Variants in KIF16B observed in about 807,000 individuals in gnomAD.
KIF16B encodes kinesin family member 16B.
Under a neutral mutation model 156.3 loss-of-function variants are expected in KIF16B, and 98 were observed. The observed-to-expected ratio is 0.63, with a 90% CI of 0.53 to 0.74. KIF16B has a LOEUF of 0.74. Among genes scored for constraint, KIF16B ranks in the 30% least tolerant of loss-of-function variants. The probability of loss-of-function intolerance (pLI) is 0.00; values close to 1 mark genes in which losing one functional copy is unlikely to be tolerated. For missense variants in KIF16B, 1,421 were observed against 1,606.5 expected (o/e 0.88, Z 1.97); for synonymous variants, 564 against 583.7 (o/e 0.97, Z 0.49).
At chr20:16,273,438 A>G (rs1264773062) in intron 25 of KIF16B, 27 bp from the exon 26 acceptor site, 3 of 1,611,704 alleles carry the variant, frequency 1.9e-6, no homozygotes, top group South Asian at 1.1e-5. Context: ...AGTTAAGAAC[A>G]TGGTCAATTG....
intron 1 of KIF16B, among the ~76,000 whole-genome samples, chr20:16,532,945 C>T (rs2069814403): frequency 6.6e-6 from 1 of 152,174 alleles, no homozygotes. Flanking sequence ...GGGCCCTCCA[C>T]ATGATCATGT....
At chr20:16,391,041 G>A (rs1029254294) in intron 17 of KIF16B, among the ~76,000 whole-genome samples, 15 of 152,186 alleles carry the variant, frequency 9.9e-5, no homozygotes, top group African/African-American at 3.6e-4. Flanking sequence ...CAGAGGAGGT[G>A]TTGTCTGAGC....
At chr20:16,314,138 T>C (rs1568841808) in intron 24 of KIF16B, among the ~76,000 whole-genome samples, 1 of 152,250 alleles carries the variant, frequency 6.6e-6, no homozygotes, top group Non-Finnish European at 1.5e-5. Context: ...TGGTGGGTCA[T>C]GTCTACTGTG....
chr20:16,303,400 C>A (rs1170786994), intron 25 of KIF16B, among the ~76,000 whole-genome samples: 1 of 152,146 alleles, frequency 6.6e-6, no homozygotes, highest in Non-Finnish European at 1.5e-5. Context: ...CTCATTTGAT[C>A]CCCTCAACAA....
chr20:16,508,140 T>TGGGGGG, intron 6 of KIF16B, 40 bp from the exon 7 acceptor site: 1 of 1,601,536 alleles, frequency 6.2e-7, no homozygotes, highest in Non-Finnish European at 8.5e-7. Context: ...ATCCCCCTAA[T>TGGGGGG]ATATAGGAAA....
At chr20:16,370,805 T>C (rs1002788270) in intron 21 of KIF16B, among the ~76,000 whole-genome samples, 169 bp from the exon 22 acceptor site, 5 of 152,204 alleles carry the variant, frequency 3.3e-5, no homozygotes, top group African/African-American at 1.2e-4. Flanking sequence ...AACATGACTC[T>C]ATTGATCCAT....
intron 22 of KIF16B, among the ~76,000 whole-genome samples, chr20:16,363,690 C>T (rs565438338): frequency 4.1e-4 from 62 of 152,260 alleles, no homozygotes; most frequent in Non-Finnish European, 8.1e-4. Context: ...GGCTACTGCC[C>T]CTTCTGAATA....
chr20:16,429,681 C>T (rs925434047), intron 13 of KIF16B, among the ~76,000 whole-genome samples, 182 bp downstream of exon 13: 1 of 152,152 alleles, frequency 6.6e-6, no homozygotes, highest in Non-Finnish European at 1.5e-5. Flanking sequence ...AACAAGGGAA[C>T]TTTAAATACC....
In KIF16B at chr20:16,273,385, C is replaced by A; in HGVS notation, c.3822G>T (p.Val1274=). The A allele has an allele frequency of 1.2e-6, 2 of 1,614,122 alleles. No individual in the cohort carries two copies. The highest frequency in any genetic ancestry group is 1.7e-6 in the Non-Finnish European group (2 of 1,180,000). The change falls in exon 26 of 26, where the codon GTG becomes GTT. Residue 1274 remains valine (V), a synonymous_variant. Coordinates refer to ENST00000354981, the MANE Select transcript of KIF16B (RefSeq NM_024704.5). ...GGGGAGATGTTGCGGACTGGAGCAT[C>A]ACGCTGAAAAAGTCCCTGAGGTATT... ...LEKYLRDFFS[V]MLQSATSPLH...
intron 12 of KIF16B, among the ~76,000 whole-genome samples, chr20:16,492,399 A>T (rs2068321009): frequency 6.6e-6 from 1 of 152,224 alleles, no homozygotes; most frequent in South Asian, 2.1e-4. Flanking sequence ...CTAGCAGAAA[A>T]GTCTAAAACA....
intron 24 of KIF16B, among the ~76,000 whole-genome samples, chr20:16,332,050 A>C (rs996131636): frequency 2.0e-5 from 3 of 152,206 alleles, no homozygotes; most frequent in African/African-American, 7.2e-5. Flanking sequence ...TAAAAATGTT[A>C]AATGGACAAT....
chr20:16,374,783 G>A (rs141938605), intron 19 of KIF16B, among the ~76,000 whole-genome samples: 23 of 152,270 alleles, frequency 1.5e-4, no homozygotes, highest in African/African-American at 5.1e-4. Flanking sequence ...AAATACTTAC[G>A]TTTGATGAAA....
chr20:16,406,538 T>C (rs930579829), intron 15 of KIF16B, 82 bp from the exon 16 acceptor site: 1 of 1,141,420 alleles, frequency 8.8e-7, no homozygotes, highest in Non-Finnish European at 1.3e-6. Context: ...ATTCTACTGT[T>C]GAAATGTAAT....
intron 23 of KIF16B, among the ~76,000 whole-genome samples, chr20:16,349,427 T>C (rs1253209562): frequency 6.6e-6 from 1 of 152,206 alleles, no homozygotes; most frequent in East Asian, 1.9e-4. Flanking sequence ...CCAAGGTCTA[T>C]GGCCAAGTGG....
In KIF16B at chr20:16,311,801, T is replaced by C. The variant is rs938552256; in HGVS notation, c.3795+534A>G. Among the ~76,000 whole-genome samples the C allele has an allele frequency of 6.6e-5, 10 of 152,270 alleles. No individual in the cohort carries two copies. In the South Asian group the frequency reaches 1.0e-3, roughly 16 times the overall value. ...TAGATAAAGCAGTCAACAATGTGCA[T>C]TGGCAGTGAGGCAGTCAGAAAAACA... On this transcript the variant is annotated intron_variant, in intron 25 of 25. Transcript: ENST00000354981.
chr20:16,389,935 T>G lies in KIF16B; in HGVS notation c.1785-8188A>C, dbSNP rs139057159. On this transcript the variant is annotated intron_variant, in intron 17 of 25. Coordinates refer to ENST00000354981, the MANE Select transcript of KIF16B (RefSeq NM_024704.5). ...CTGTTTTGTAGAGACAATTAGAATTTCTACACTACTCACTCCCACTCACCC... is the reference window on the plus strand; with the variant it reads ...CTGTTTTGTAGAGACAATTAGAATTGCTACACTACTCACTCCCACTCACCC... Among the ~76,000 whole-genome samples, 6 of 152,298 alleles carry G rather than the reference T, an allele frequency of 3.9e-5. No homozygotes were observed. In the East Asian group the frequency reaches 1.2e-3, roughly 29 times the overall value.
At chr20:16,309,888 T>C (rs950518796) in intron 25 of KIF16B, among the ~76,000 whole-genome samples, 1 of 152,196 alleles carries the variant, frequency 6.6e-6, no homozygotes, top group Non-Finnish European at 1.5e-5. Context: ...AAAGGAAATA[T>C]CTCATTTGTC....
chr20:16,480,582 CA>C (rs1358532889), intron 12 of KIF16B, among the ~76,000 whole-genome samples: 2 of 152,272 alleles, frequency 1.3e-5, no homozygotes, highest in Non-Finnish European at 1.5e-5. Flanking sequence ...CAAAAAAGGA[CA>C]AGGCTTTTGT....
At chr20:16,478,179 T>C (rs1021753037) in intron 12 of KIF16B, among the ~76,000 whole-genome samples, 1 of 152,084 alleles carries the variant, frequency 6.6e-6, no homozygotes, top group Non-Finnish European at 1.5e-5. Context: ...AGAGGGCAAA[T>C]CATTTGAAAA....
Sources: gnomAD v4.1 joint callset for allele counts (sites outside exome capture counted in the v4.1 genomes callset) on GRCh38, gnomAD v4.1.1 for gene constraint, MANE v1.5 for transcripts, NCBI Gene and HGNC (gene_info 2026-07-23, HGNC 2026-07-21) for gene names.